Variants in CPQ observed in about 807,000 individuals in gnomAD.
CPQ encodes the protein Ser-Met dipeptidase.
In CPQ, 37 loss-of-function variants were observed where a neutral mutation model predicts 45.7. That is an observed-to-expected ratio of 0.81 (90% confidence interval 0.62 to 1.07). The LOEUF (loss-of-function observed/expected upper bound fraction) is 1.07. CPQ is among the 50% of genes least tolerant of loss of function. The probability of loss-of-function intolerance (pLI) is 0.00; values close to 1 mark genes in which losing one functional copy is unlikely to be tolerated. For missense variants in CPQ, 537 were observed against 572.9 expected (o/e 0.94, Z 0.64); for synonymous variants, 186 against 205.8 (o/e 0.90, Z 0.82).
At chr8:96,835,296 T>C (rs1047154367) in intron 3 of CPQ, 116 bp downstream of exon 3, 10 of 804,838 alleles carry the variant, frequency 1.2e-5, no homozygotes, top group African/African-American at 3.6e-5. Context: ...TTCATGGAGT[T>C]TCCCCCCCAA....
At chr8:96,918,414 G>T (rs1248377846) in intron 4 of CPQ, among the ~76,000 whole-genome samples, 2 of 151,586 alleles carry the variant, frequency 1.3e-5, no homozygotes, top group African/African-American at 2.4e-5. Context: ...TTTCCTGTTT[G>T]TTTTTTTAAA....
At chr8:97,102,699 A>G (rs1458203811) in intron 7 of CPQ, among the ~76,000 whole-genome samples, 2 of 152,144 alleles carry the variant, frequency 1.3e-5, no homozygotes, top group Non-Finnish European at 2.9e-5. Context: ...TGAGGGAATT[A>G]TGGTGCACTA....
chr8:96,945,000 G>A (rs1813170948), intron 4 of CPQ, among the ~76,000 whole-genome samples: 1 of 152,094 alleles, frequency 6.6e-6, no homozygotes, highest in Non-Finnish European at 1.5e-5. Flanking sequence ...ATGTCTCCGG[G>A]TGAAGTTCTC....
At chr8:96,764,604 T>TA (rs1810444713) in intron 1 of CPQ, among the ~76,000 whole-genome samples, 1 of 152,132 alleles carries the variant, frequency 6.6e-6, no homozygotes. Context: ...AAAAAAGTGA[T>TA]AAAAAACATT....
intron 5 of CPQ, among the ~76,000 whole-genome samples, chr8:97,010,118 C>A (rs1305683147): frequency 6.6e-6 from 1 of 152,186 alleles, no homozygotes; most frequent in Admixed American, 6.5e-5. Flanking sequence ...CACTGATGAC[C>A]TTACATGGAG....
chr8:97,056,060 C>T (rs1311486478), intron 6 of CPQ, among the ~76,000 whole-genome samples: 5 of 152,084 alleles, frequency 3.3e-5, no homozygotes, highest in African/African-American at 4.8e-5. Flanking sequence ...GATCATGCCA[C>T]TGCACTCCAG....
intron 7 of CPQ, among the ~76,000 whole-genome samples, chr8:97,084,830 GTGTGTGTC>G (rs947907872): frequency 6.6e-6 from 1 of 151,616 alleles, no homozygotes; most frequent in Non-Finnish European, 1.5e-5. Flanking sequence ...GTGTGTGTGT[GTGTGTGTC>G]TCTCTGTGTG....
chr8:97,120,068 A>G (rs1343589888), intron 7 of CPQ, among the ~76,000 whole-genome samples: 2 of 152,340 alleles, frequency 1.3e-5, no homozygotes, highest in East Asian at 3.9e-4. Flanking sequence ...ATCCAGGCTG[A>G]CTAAGAACAT....
At chr8:97,104,235 A>C (rs1811363724) in intron 7 of CPQ, among the ~76,000 whole-genome samples, 1 of 152,194 alleles carries the variant, frequency 6.6e-6, no homozygotes, top group African/African-American at 2.4e-5. Context: ...TTTTGTGCCC[A>C]GTCGTTTTTT....
chr8:96,841,000 C>G (rs1811600121), intron 3 of CPQ, among the ~76,000 whole-genome samples: 2 of 152,234 alleles, frequency 1.3e-5, no homozygotes, highest in South Asian at 4.1e-4. Flanking sequence ...TGGGATGTCC[C>G]CCCTCTTATC....
intron 1 of CPQ, among the ~76,000 whole-genome samples, chr8:96,687,799 G>T (rs1185872369): frequency 2.0e-5 from 3 of 151,796 alleles, no homozygotes; most frequent in African/African-American, 4.8e-5. Context: ...TTCTGGGTTT[G>T]TTATTTTTAA....
intron 1 of CPQ, among the ~76,000 whole-genome samples, chr8:96,712,542 G>A (rs920812912): frequency 6.6e-6 from 1 of 152,132 alleles, no homozygotes; most frequent in Non-Finnish European, 1.5e-5. Context: ...CTGTGCACCC[G>A]CAGGCCCAAC....
chr8:97,088,518 T>TGG (rs1811075860), intron 7 of CPQ, among the ~76,000 whole-genome samples: 1 of 152,196 alleles, frequency 6.6e-6, no homozygotes, highest in Admixed American at 6.5e-5. Context: ...AAAACCAGCA[T>TGG]GGGTGATTTC....
intron 1 of CPQ, among the ~76,000 whole-genome samples, chr8:96,709,741 C>T (rs1481137140): frequency 6.6e-6 from 1 of 152,096 alleles, no homozygotes; most frequent in Non-Finnish European, 1.5e-5. Flanking sequence ...CCCACTTGAT[C>T]ATGGTGAATT....
intron 3 of CPQ, among the ~76,000 whole-genome samples, chr8:96,868,394 A>G (rs192293170): frequency 3.9e-5 from 6 of 152,188 alleles, no homozygotes; most frequent in African/African-American, 1.4e-4. Flanking sequence ...GCAGGTCATC[A>G]TATACACTTT....
At chr8:96,724,320 A>T (rs910864635) in intron 1 of CPQ, among the ~76,000 whole-genome samples, 2 of 152,136 alleles carry the variant, frequency 1.3e-5, no homozygotes, top group South Asian at 4.1e-4. Context: ...TGTGAATATA[A>T]CAGCTTGCTA....
chr8:96,676,350 G>A (rs1586354494), intron 1 of CPQ, among the ~76,000 whole-genome samples: 1 of 151,910 alleles, frequency 6.6e-6, no homozygotes. Context: ...ATGTAAGTAA[G>A]AGCGTGCAAT....
chr8:97,067,141 G>A (rs1266631772), intron 7 of CPQ, among the ~76,000 whole-genome samples: 1 of 151,758 alleles, frequency 6.6e-6, no homozygotes, highest in African/African-American at 2.4e-5. Flanking sequence ...TGCCCAGGCT[G>A]GTCTCCAACT....
chr8:97,140,705 A>C (rs1054396805), intron 7 of CPQ, among the ~76,000 whole-genome samples: 4 of 152,094 alleles, frequency 2.6e-5, no homozygotes, highest in Non-Finnish European at 4.4e-5. Flanking sequence ...TATTTAAATG[A>C]TTCTAAAATT....
Sources: allele counts gnomAD v4.1 joint callset (sites outside exome capture counted in the v4.1 genomes callset), GRCh38; gene constraint gnomAD v4.1.1; transcripts MANE v1.5; gene names NCBI Gene and HGNC (gene_info 2026-07-23, HGNC 2026-07-21).